Variants in USP10 observed in about 807,000 individuals in gnomAD.
USP10 encodes ubiquitin carboxyl-terminal hydrolase 10.
A neutral mutation model predicts 84.5 loss-of-function variants in USP10; 22 were observed. The observed-to-expected ratio is 0.26, with a 90% CI of 0.19 to 0.37. USP10 has a LOEUF of 0.37. Among genes scored for constraint, USP10 ranks in the 10% least tolerant of loss-of-function variants. The pLI is 1.00. For synonymous variants in USP10, 454 were observed against 387.6 expected, an observed-to-expected ratio of 1.17 and a Z score of -2.01; for missense variants, 1,019 against 998.9, an observed-to-expected ratio of 1.02 and a Z score of -0.27.
At chr16:84,729,719 G>C (rs1288147227) in intron 1 of USP10, among the ~76,000 whole-genome samples, 1 of 152,214 alleles carries the variant, frequency 6.6e-6, no homozygotes, top group East Asian at 1.9e-4. Flanking sequence ...AAAAGCTCAT[G>C]CATTTAAGGA....
rs1459502930 is a variant in USP10, at chr16:84,705,774, C to T, written c.21+5663C>T. Among the ~76,000 whole-genome samples, 3 of 128,494 alleles carry T rather than the reference C, an allele frequency of 2.3e-5. No homozygotes were observed. The Admixed American group carries it at 2.9e-4, about 13-fold the overall frequency. 84.3% of individuals were successfully genotyped at this position (128,494 alleles called of 152,430 possible). ...TTGCTCTGTTGCCCAGGCTGGAATG[C>T]AGTGGTGCGATCTGGGTTCACTGCA... On this transcript the variant is annotated intron_variant, in intron 1 of 13. Coordinates refer to ENST00000219473, the MANE Select transcript of USP10 (RefSeq NM_005153.3).
chr16:84,713,743 A>G (rs1292638704), intron 1 of USP10, among the ~76,000 whole-genome samples: 1 of 152,210 alleles, frequency 6.6e-6, no homozygotes, highest in Non-Finnish European at 1.5e-5. Context: ...AGACCATCAC[A>G]GGAGAGTCCC....
At chr16:84,740,462 A>C in intron 3 of USP10, 93 bp downstream of exon 3, 1 of 1,063,890 alleles carries the variant, frequency 9.4e-7, no homozygotes, top group Non-Finnish European at 1.4e-6. Flanking sequence ...CCATTTGAAT[A>C]AACATTTCTT....
chr16:84,750,518 T>C (rs1451272118), intron 4 of USP10, among the ~76,000 whole-genome samples: 3 of 152,194 alleles, frequency 2.0e-5, no homozygotes, highest in Non-Finnish European at 4.4e-5. Flanking sequence ...CCTTTGCTGC[T>C]GCTTCCCTCA....
chr16:84,710,925 A>G (rs1049752910), intron 1 of USP10, among the ~76,000 whole-genome samples: 1 of 152,200 alleles, frequency 6.6e-6, no homozygotes, highest in African/African-American at 2.4e-5. Context: ...ATGAATAGCA[A>G]TAACGAAATC....
In USP10 at chr16:84,701,940, T is replaced by C. The variant is rs986990029; in HGVS notation, c.21+1829T>C. Among the ~76,000 whole-genome samples the C allele has an allele frequency of 1.1e-4, 16 of 144,812 alleles. No individual in the cohort carries two copies. The East Asian group carries it at 1.2e-3, about 11-fold the overall frequency. ...GATTTCTCATAATTTTCTTCTTCTT[T>C]TTTTTTTTTTTTTTGAGTTGGAATT... On this transcript the variant is annotated intron_variant, in intron 1 of 13. Transcript: ENST00000219473.
intron 11 of USP10, among the ~76,000 whole-genome samples, chr16:84,769,518 G>C (rs1446067046): frequency 1.3e-5 from 2 of 152,172 alleles, no homozygotes; most frequent in Non-Finnish European, 2.9e-5. Flanking sequence ...TGGACCTCGT[G>C]GAAGAGAGAG....
chr16:84,744,575 AC>A (rs1327109795), intron 3 of USP10, 57 bp from the exon 4 acceptor site: 1 of 1,428,362 alleles, frequency 7.0e-7, no homozygotes, highest in East Asian at 2.4e-5. Context: ...GTGAGTAATT[AC>A]TGGTACTTAG....
At chr16:84,743,245 G>A (rs1390225425) in intron 3 of USP10, among the ~76,000 whole-genome samples, 1 of 152,204 alleles carries the variant, frequency 6.6e-6, no homozygotes, top group Non-Finnish European at 1.5e-5. Flanking sequence ...GCTGTTAGGT[G>A]TAATCGTCAT....
At chr16:84,749,095 A>G (rs533137193) in intron 4 of USP10, among the ~76,000 whole-genome samples, 1 of 152,342 alleles carries the variant, frequency 6.6e-6, no homozygotes, top group Admixed American at 6.5e-5. Flanking sequence ...ATAGTAGAGC[A>G]ATAGAGTCAC....
chr16:84,742,483 C>T (rs147351819), intron 3 of USP10, among the ~76,000 whole-genome samples: 6 of 152,234 alleles, frequency 3.9e-5, no homozygotes, highest in Non-Finnish European at 5.9e-5. Context: ...TTCCCTCCCT[C>T]GCCCCCTGCC....
At chr16:84,750,888 AG>A (rs1319068353) in intron 4 of USP10, among the ~76,000 whole-genome samples, 3 of 152,338 alleles carry the variant, frequency 2.0e-5, no homozygotes, top group Admixed American at 2.0e-4. Context: ...ATGAATTGTT[AG>A]TCAAAACCTG....
chr16:84,727,720 T>G lies in USP10; in HGVS notation c.22-5715T>G, dbSNP rs1482726360. Reference sequence around the variant, plus strand: ...AATGCAAATATACAGACATACAATATTTTTCCAAACCCTTTGAGATTTCAG... The same window carrying G: ...AATGCAAATATACAGACATACAATAGTTTTCCAAACCCTTTGAGATTTCAG... On this transcript the variant is annotated intron_variant, in intron 1 of 13. Coordinates refer to ENST00000219473, the MANE Select transcript of USP10 (RefSeq NM_005153.3). Among the ~76,000 whole-genome samples the G allele has an allele frequency of 7.9e-5, 12 of 152,208 alleles. 1 individual carries two copies. Among genetic ancestry groups the G allele is most frequent in the Admixed American group, 7.9e-4 (12 of 15,282 alleles).
At chr16:84,742,808 G>C (rs985457996) in intron 3 of USP10, among the ~76,000 whole-genome samples, 2 of 152,182 alleles carry the variant, frequency 1.3e-5, no homozygotes. Context: ...ACATGGTATT[G>C]AGTAAATGTT....
chr16:84,763,062 A>G lies in USP10; in HGVS notation c.1628A>G (p.Lys543Arg). Residue 543 changes from lysine to arginine, a missense_variant, in exon 9 of 14, where the codon AAG (lysine) becomes AGG (arginine). By Grantham distance (26) the Lys-to-Arg change is conservative. Transcript: ENST00000219473. The part of the protein sequence containing the change: ...NGLHEEMLNL[K>R]KLLSPSNEKL... ...CTTCATGAGGAAATGTTGAACCTAA[A>G]GAAGCTTCTCTCACCAAGTAATGAA... The G allele has an allele frequency of 1.2e-6, 2 of 1,612,174 alleles. No individual in the cohort carries two copies. The highest frequency in any genetic ancestry group is 1.7e-6 in the Non-Finnish European group (2 of 1,178,504).
At chr16:84,711,803 T>C (rs189177276) in intron 1 of USP10, among the ~76,000 whole-genome samples, 2 of 143,226 alleles carry the variant, frequency 1.4e-5, no homozygotes, top group East Asian at 4.5e-4. Context: ...CACTGCAACC[T>C]CTGCCTCCGG....
intron 10 of USP10, among the ~76,000 whole-genome samples, chr16:84,767,622 A>G (rs1011709922): frequency 1.3e-5 from 2 of 152,170 alleles, no homozygotes; most frequent in Admixed American, 1.3e-4. Context: ...GCCTTTATGA[A>G]CCGGTGCAGT....
chr16:84,701,331 C>T (rs1904832091), intron 1 of USP10, among the ~76,000 whole-genome samples: 1 of 152,130 alleles, frequency 6.6e-6, no homozygotes, highest in Non-Finnish European at 1.5e-5. Flanking sequence ...CCCCCTTTAA[C>T]GTTTTGTTCC....
chr16:84,723,699 G>T (rs117985202), intron 1 of USP10, among the ~76,000 whole-genome samples: 2 of 152,174 alleles, frequency 1.3e-5, no homozygotes, highest in African/African-American at 4.8e-5. Flanking sequence ...GATCTAACTC[G>T]ATTCTTGTAC....
Sources: allele counts gnomAD v4.1 joint callset (sites outside exome capture counted in the v4.1 genomes callset), GRCh38; gene constraint gnomAD v4.1.1; transcripts MANE v1.5; gene names NCBI Gene and HGNC (gene_info 2026-07-23, HGNC 2026-07-21).